TRMT9B: variants seen among roughly 807,000 people sequenced by gnomAD.
The protein encoded by TRMT9B is tRNA methyltransferase 9B (putative).
TRMT9B carries 16 observed loss-of-function variants against 11.5 expected under a neutral mutation model. The ratio of observed to expected loss-of-function variants is 1.39; its 90% CI spans 0.94 to 2.11. The LOEUF is 2.11. Ranked by LOEUF, TRMT9B falls within the 30% of genes most tolerant of loss-of-function variation. TRMT9B has a pLI of 0.00. For missense variants in TRMT9B, 941 were observed against 553.8 expected (o/e 1.70, Z -7.02); for synonymous variants, 274 against 192.4 (o/e 1.42, Z -3.51).
chr8:13,000,996 C>T (rs1394730743), intron 2 of TRMT9B, among the ~76,000 whole-genome samples: 2 of 152,160 alleles, frequency 1.3e-5, no homozygotes, highest in Non-Finnish European at 2.9e-5. Context: ...CTAGAGCCTA[C>T]ATAGGGACTA....
chr8:12,982,093 G>T (rs576085030), intron 1 of TRMT9B, among the ~76,000 whole-genome samples: 1 of 152,128 alleles, frequency 6.6e-6, no homozygotes. Context: ...ATATCTATCT[G>T]TCTACATACC....
At chr8:12,950,618 A>G (rs1800529422) in intron 1 of TRMT9B, among the ~76,000 whole-genome samples, 1 of 151,788 alleles carries the variant, frequency 6.6e-6, no homozygotes. Context: ...TATCCAGGGC[A>G]TGAGGATAAA....
intron 1 of TRMT9B, among the ~76,000 whole-genome samples, chr8:12,951,159 A>G (rs1468138169): frequency 6.6e-6 from 1 of 151,944 alleles, no homozygotes; most frequent in Non-Finnish European, 1.5e-5. Flanking sequence ...CCGCCTTCTG[A>G]TGGATGCTTT....
At chr8:12,959,516 C>CTTTTTTTTTTTTTTTTTTTTTTTTTT (rs61536433) in intron 1 of TRMT9B, among the ~76,000 whole-genome samples, 5 of 74,896 alleles carry the variant, frequency 6.7e-5, no homozygotes, top group South Asian at 6.1e-4. Flanking sequence ...TTTTTCCTTC[C>CTTTTTTTTTTTTTTTTTTTTTTTTTT]TTTTTTTTTT....
intron 1 of TRMT9B, among the ~76,000 whole-genome samples, chr8:12,990,622 G>T (rs149417788): frequency 6.6e-6 from 1 of 152,132 alleles, no homozygotes; most frequent in African/African-American, 2.4e-5. Flanking sequence ...AGAAAGTATT[G>T]TATGTTTTAT....
intron 2 of TRMT9B, among the ~76,000 whole-genome samples, chr8:12,994,227 G>C (rs919161334): frequency 6.6e-6 from 1 of 152,182 alleles, no homozygotes; most frequent in African/African-American, 2.4e-5. Flanking sequence ...GTGTGTGCAT[G>C]GTCTCAGGCT....
Position 12,947,593 on chromosome 8 carries a change from A to C in TRMT9B, c.-200+1627A>C, listed in dbSNP as rs200440465. Among the ~76,000 whole-genome samples the C allele has an allele frequency of 6.6e-5, 10 of 152,386 alleles. No individual in the cohort carries two copies. In the East Asian group the frequency reaches 1.3e-3, roughly 21 times the overall value. On this transcript the variant is annotated intron_variant, in intron 1 of 4. Transcript: ENST00000524591. ...AGCACATTTTGAGGCTTATGGCAAC[A>C]CATGCATATTAATGCAAATATGTGC... is the stretch of plus-strand genomic sequence containing the variant.
chr8:12,959,563 A>G (rs138328419), intron 1 of TRMT9B, among the ~76,000 whole-genome samples: 2,589 of 106,030 alleles, frequency 0.024, 97 homozygotes, highest in African/African-American at 0.088. Context: ...TCTGTTGCCC[A>G]GGCTGGAGTG....
chr8:13,011,482 A>G (rs1310043424), intron 3 of TRMT9B: 2 of 982,986 alleles, frequency 2.0e-6, no homozygotes, highest in East Asian at 2.3e-4. Context: ...AAATTTCATC[A>G]GTAATGCCAA....
intron 1 of TRMT9B, among the ~76,000 whole-genome samples, chr8:12,963,909 G>T (rs1452588035): frequency 6.6e-6 from 1 of 152,206 alleles, no homozygotes; most frequent in African/African-American, 2.4e-5. Context: ...ATGGGTTCTA[G>T]TCCTTGCTCC....
intron 1 of TRMT9B, among the ~76,000 whole-genome samples, chr8:12,982,593 C>T (rs768409658): frequency 3.3e-5 from 5 of 151,528 alleles, no homozygotes; most frequent in East Asian, 1.9e-4. Flanking sequence ...ACCCAAGAGG[C>T]GGAGGTTGCA....
intron 1 of TRMT9B, among the ~76,000 whole-genome samples, chr8:12,948,766 C>G (rs955569569): frequency 1.3e-5 from 2 of 152,066 alleles, no homozygotes; most frequent in Admixed American, 6.5e-5. Context: ...CGAGACCATT[C>G]TGGCTAACAC....
rs373678996 is a variant in TRMT9B, at chr8:13,012,832, C to T, written c.303C>T (p.Gly101=). Residue 101 remains glycine (G), a synonymous_variant, in exon 4 of 5, where the codon GGC becomes GGT. Coordinates refer to ENST00000524591, the MANE Select transcript of TRMT9B (RefSeq NM_020844.3). ...DNLNLPFRDE[G]FDAIISIGVI... ...TTAATCTCCCCTTTAGGGATGAGGG[C>T]TTCGATGCCATCATCTCCATAGGAG... is the stretch of plus-strand genomic sequence containing the variant. 3 of 1,613,874 alleles carry T rather than the reference C, an allele frequency of 1.9e-6. No individual in the cohort carries two copies. The highest frequency in any genetic ancestry group is 1.1e-5 in the South Asian group (1 of 91,072).
chr8:12,997,045 T>C (rs1808486361), intron 2 of TRMT9B, among the ~76,000 whole-genome samples: 2 of 151,962 alleles, frequency 1.3e-5, no homozygotes, highest in Non-Finnish European at 2.9e-5. Flanking sequence ...CTCATGTTTT[T>C]GTACTTTCCA....
intron 1 of TRMT9B, chr8:12,952,446 G>A: frequency 3.4e-6 from 1 of 293,348 alleles, no homozygotes; most frequent in South Asian, 2.6e-5. Flanking sequence ...CAAAACAGGC[G>A]AGACAGCCAT....
At chr8:13,000,245 T>G (rs985125529) in intron 2 of TRMT9B, among the ~76,000 whole-genome samples, 2 of 152,182 alleles carry the variant, frequency 1.3e-5, no homozygotes, top group Non-Finnish European at 2.9e-5. Flanking sequence ...ACTTAGGGTT[T>G]ATCTGAATTC....
At chr8:13,001,355 C>T (rs978572482) in intron 2 of TRMT9B, among the ~76,000 whole-genome samples, 6 of 152,174 alleles carry the variant, frequency 3.9e-5, no homozygotes, top group African/African-American at 1.4e-4. Context: ...AGGCACAAGG[C>T]TCAGAAGCAG....
chr8:13,021,689 A>G lies in TRMT9B; in HGVS notation c.1010A>G (p.His337Arg). Reference protein sequence around the residue: ...PGTLKHLNGDHQGEMRRNGGG... With the variant: ...PGTLKHLNGDRQGEMRRNGGG... The stretch of plus-strand genomic sequence containing the variant: ...ACTCTGAAACATTTAAATGGAGACC[A>G]TCAAGGGGAAATGAGGAGAAATGGA... The change falls in exon 5 of 5, where the codon CAT (histidine) becomes CGT (arginine). Residue 337 changes from histidine (H) to arginine (R), a missense_variant. Physicochemically the swap from His to Arg is conservative, Grantham distance 29 (BLOSUM62 0). Coordinates refer to ENST00000524591, the MANE Select transcript of TRMT9B (RefSeq NM_020844.3). The G allele has an allele frequency of 6.2e-7, 1 of 1,613,748 alleles. No homozygotes were observed. Among genetic ancestry groups the G allele is most frequent in the Non-Finnish European group, 8.5e-7 (1 of 1,179,846 alleles).
chr8:12,965,940 G>T (rs1055813428), intron 1 of TRMT9B, among the ~76,000 whole-genome samples: 1 of 151,886 alleles, frequency 6.6e-6, no homozygotes, highest in Non-Finnish European at 1.5e-5. Flanking sequence ...TTGAACCTGG[G>T]AGGCGGAAGT....
Sources: gnomAD v4.1 joint callset for allele counts (sites outside exome capture counted in the v4.1 genomes callset) on GRCh38, gnomAD v4.1.1 for gene constraint, MANE v1.5 for transcripts, NCBI Gene and HGNC (gene_info 2026-07-23, HGNC 2026-07-21) for gene names.